The following ESR1 variants were observed in gnomAD, a reference collection of about 807,000 sequenced individuals.
The protein encoded by ESR1 is estrogen receptor 1, also known as estrogen receptor.
ESR1 carries 12 observed loss-of-function variants against 52.7 expected under a neutral mutation model. That is an observed-to-expected ratio of 0.23 (90% CI 0.15 to 0.37). ESR1 has a LOEUF of 0.37. Among genes scored for constraint, ESR1 ranks in the 10% least tolerant of loss-of-function variants. ESR1 has a pLI of 1.00. For missense variants in ESR1, 584 were observed against 779.7 expected (o/e 0.75, Z 2.99); for synonymous variants, 305 against 316.8 (o/e 0.96, Z 0.39).
At chr6:151,864,604 T>C (rs1228736725) in intron 2 of ESR1, among the ~76,000 whole-genome samples, 2 of 152,100 alleles carry the variant, frequency 1.3e-5, no homozygotes, top group Non-Finnish European at 2.9e-5. Context: ...ACCCAAAGGA[T>C]TATAAATCAT....
chr6:151,921,610 G>C (rs1402523186), intron 3 of ESR1, among the ~76,000 whole-genome samples: 1 of 152,112 alleles, frequency 6.6e-6, no homozygotes, highest in Non-Finnish European at 1.5e-5. Flanking sequence ...GTTGTTTCTT[G>C]GCTTTTTAAT....
chr6:152,121,091 A>G (rs750250479), intron 6 of ESR1, among the ~76,000 whole-genome samples: 1 of 152,240 alleles, frequency 6.6e-6, no homozygotes. Flanking sequence ...GTCTACCAGA[A>G]GAGAAGCCAG....
chr6:152,042,267 G>C (rs2045871590), intron 5 of ESR1, among the ~76,000 whole-genome samples: 1 of 152,174 alleles, frequency 6.6e-6, no homozygotes, highest in Admixed American at 6.5e-5. Flanking sequence ...TATGCATTCT[G>C]GCACTAGGGA....
At chr6:151,659,203 G>T (rs768942901) in intron 1 of ESR1, among the ~76,000 whole-genome samples, 20 of 152,156 alleles carry the variant, frequency 1.3e-4, no homozygotes, top group Non-Finnish European at 2.4e-4. Context: ...AGTAGAGATG[G>T]TGTTTCACTA....
chr6:152,101,654 A>G lies in ESR1; in HGVS notation c.*2688A>G, dbSNP rs2050969641. 2 of 231,222 alleles carry G rather than the reference A, an allele frequency of 8.6e-6. No individual in the cohort carries two copies. Among genetic ancestry groups the G allele is most frequent in the African/African-American group, 2.2e-5 (1 of 45,254 alleles). The allele number at this position is 231,222 out of a possible 1,614,324, so 14.3% of individuals were successfully genotyped here. On this transcript the variant is annotated 3_prime_UTR_variant, in exon 8 of 8. Coordinates refer to ENST00000206249, the MANE Select transcript of ESR1 (RefSeq NM_000125.4). ...TTGGGTGTAGGAACATGATTTAAAA[A>G]AAAACTCTTGCCTCTGCTTTCCCCC...
chr6:152,063,216 C>G (rs2128964968), intron 6 of ESR1, among the ~76,000 whole-genome samples: 1 of 152,316 alleles, frequency 6.6e-6, no homozygotes, highest in South Asian at 2.1e-4. Flanking sequence ...TTCTTAGGAT[C>G]TTCTTGGCAC....
chr6:151,777,027 A>G (rs1583235706), intron 2 of ESR1, among the ~76,000 whole-genome samples: 1 of 151,990 alleles, frequency 6.6e-6, no homozygotes, highest in African/African-American at 2.4e-5. Context: ...GGCATCTGAG[A>G]AAGGTTGATC....
At chr6:152,104,081 AG>A (rs2051032532), downstream of ESR1, among the ~76,000 whole-genome samples, 1 of 145,458 alleles carries the variant, frequency 6.9e-6, no homozygotes, top group Non-Finnish European at 1.5e-5. Flanking sequence ...TCTGCCTGGA[AG>A]GGTTCTTTTA....
chr6:151,757,169 C>G (rs1487788876), intron 2 of ESR1, among the ~76,000 whole-genome samples: 2 of 151,844 alleles, frequency 1.3e-5, no homozygotes, highest in Non-Finnish European at 2.9e-5. Context: ...CCTGTTACCT[C>G]TCTCCTGAAT....
chr6:151,843,135 GT>G (rs1784556139), intron 2 of ESR1, among the ~76,000 whole-genome samples: 1 of 152,186 alleles, frequency 6.6e-6, no homozygotes, highest in African/African-American at 2.4e-5. Context: ...TTCATGTTTG[GT>G]AGGCAACTTT....
chr6:151,924,006 T>C (rs901104866), intron 3 of ESR1, among the ~76,000 whole-genome samples: 12 of 152,202 alleles, frequency 7.9e-5, no homozygotes, highest in Admixed American at 3.9e-4. Context: ...TTAACTATTG[T>C]AATAGATGTG....
At chr6:151,760,377 C>T (rs1229951366) in intron 2 of ESR1, among the ~76,000 whole-genome samples, 2 of 152,234 alleles carry the variant, frequency 1.3e-5, no homozygotes, top group East Asian at 3.8e-4. Context: ...TTGCAACAAA[C>T]AAGCATCTAG....
At chr6:152,044,479 T>C (rs551081611) in intron 5 of ESR1, among the ~76,000 whole-genome samples, 247 of 152,184 alleles carry the variant, frequency 1.6e-3, no homozygotes, top group Non-Finnish European at 2.9e-3. Flanking sequence ...ACTCACACAA[T>C]CACAAGGTGA....
At chr6:152,073,847 C>T (rs1223170459) in intron 6 of ESR1, among the ~76,000 whole-genome samples, 1 of 152,174 alleles carries the variant, frequency 6.6e-6, no homozygotes, top group Non-Finnish European at 1.5e-5. Context: ...ACCCCACTTC[C>T]TTCACTTCCT....
intron 5 of ESR1, among the ~76,000 whole-genome samples, chr6:152,021,974 C>A (rs112076855): frequency 2.6e-5 from 4 of 152,308 alleles, no homozygotes; most frequent in African/African-American, 7.2e-5. Context: ...GTCCTTTAAA[C>A]CTCTTTTCTT....
At chr6:152,104,633 C>T (rs1185456786), downstream of ESR1, among the ~76,000 whole-genome samples, 1 of 152,134 alleles carries the variant, frequency 6.6e-6, no homozygotes, top group East Asian at 1.9e-4. Flanking sequence ...GTCTCTGGCC[C>T]CAGTTTCTGA....
At chr6:151,775,736 A>G (rs1583230134) in intron 2 of ESR1, among the ~76,000 whole-genome samples, 3 of 145,130 alleles carry the variant, frequency 2.1e-5, no homozygotes, top group African/African-American at 7.8e-5. Flanking sequence ...ACAAATCGAG[A>G]CTCCGTCTCA....
chr6:151,690,642 C>T (rs1301009082), exon 1 of ESR1: 1 of 152,198 alleles, frequency 6.6e-6, no homozygotes, highest in African/African-American at 2.4e-5. Context: ...AAGACAGTCT[C>T]TGAGTGATAA....
intron 1 of ESR1, among the ~76,000 whole-genome samples, chr6:151,679,207 G>A (rs531981232): frequency 6.6e-6 from 1 of 152,246 alleles, no homozygotes; most frequent in African/African-American, 2.4e-5. Flanking sequence ...TTGAATGTGG[G>A]TGACACATCT....
Sources: gnomAD v4.1 joint callset for allele counts (sites outside exome capture counted in the v4.1 genomes callset) on GRCh38, gnomAD v4.1.1 for gene constraint, MANE v1.5 for transcripts, NCBI Gene and HGNC (gene_info 2026-07-23, HGNC 2026-07-21) for gene names.